ZNF560: variants seen among roughly 807,000 people sequenced by gnomAD.
The protein encoded by ZNF560 is zinc finger protein 560.
A neutral mutation model predicts 81.8 loss-of-function variants in ZNF560; 54 were observed. The ratio of observed to expected loss-of-function variants is 0.66; its 90% CI spans 0.53 to 0.83. ZNF560 has a LOEUF of 0.83. Among genes scored for constraint, ZNF560 ranks in the 40% least tolerant of loss-of-function variants. The pLI is 0.00. For missense variants in ZNF560, 940 were observed against 932.4 expected (o/e 1.01, Z -0.11); for synonymous variants, 321 against 317.9 (o/e 1.01, Z -0.10).
At chr19:9,458,982 T>C in the ZNF560 span, among the ~76,000 whole-genome samples, 1 of 152,262 alleles carries the variant, frequency 6.6e-6, no homozygotes, top group Non-Finnish European at 1.5e-5. Flanking sequence ...GTCTTCTGCC[T>C]GTGTTAAACA....
At chr19:9,473,314 C>T (rs1477174257) in intron 4 of ZNF560, 55 bp from the exon 5 acceptor site, 2 of 1,373,670 alleles carry the variant, frequency 1.5e-6, no homozygotes, top group Non-Finnish European at 2.0e-6. Flanking sequence ...GGCACAGTGG[C>T]TCATGCCTGT....
chr19:9,464,765 A>G (rs1399451534), downstream of ZNF560, among the ~76,000 whole-genome samples: 1 of 152,282 alleles, frequency 6.6e-6, no homozygotes, highest in Non-Finnish European at 1.5e-5. Flanking sequence ...TGGTGTTGCT[A>G]TAGGAGAAAG....
chr19:9,468,725 C>CTTTTTTTTT (rs3068756), intron 9 of ZNF560, among the ~76,000 whole-genome samples: 1 of 123,052 alleles, frequency 8.1e-6, no homozygotes, highest in African/African-American at 3.1e-5. Flanking sequence ...CTGCTGATTT[C>CTTTTTTTTT]TTTTTTTTTT....
chr19:9,469,226 A>G (rs1426463110), intron 8 of ZNF560, 39 bp from the exon 9 acceptor site: 2 of 1,430,120 alleles, frequency 1.4e-6, no homozygotes, highest in Non-Finnish European at 1.9e-6. Flanking sequence ...GAGTTTACAC[A>G]TGAAATGGTA....
At chr19:9,492,454 C>G (rs1483769548) in intron 2 of ZNF560, among the ~76,000 whole-genome samples, 1 of 152,180 alleles carries the variant, frequency 6.6e-6, no homozygotes, top group Non-Finnish European at 1.5e-5. Flanking sequence ...AGGCTTTTGC[C>G]TATACAATGC....
intron 2 of ZNF560, among the ~76,000 whole-genome samples, chr19:9,494,130 CAAAA>C (rs891546578): frequency 1.5e-5 from 1 of 67,226 alleles, no homozygotes. Context: ...GACTCCATCT[CAAAA>C]AAAAAAAAAA....
chr19:9,446,212 G>A, the ZNF560 span, among the ~76,000 whole-genome samples: 1 of 150,132 alleles, frequency 6.7e-6, no homozygotes, highest in Admixed American at 6.6e-5. Context: ...TACTTTGAAC[G>A]CTGATTTTTT....
intron 2 of ZNF560, among the ~76,000 whole-genome samples, chr19:9,476,823 A>C (rs1274041735): frequency 6.6e-6 from 1 of 152,226 alleles, no homozygotes; most frequent in Admixed American, 6.5e-5. Flanking sequence ...GTGAGAACAG[A>C]CTAATATGGT....
At chr19:9,469,746 T>A in intron 7 of ZNF560, 36 bp from the exon 8 acceptor site, 1 of 1,596,242 alleles carries the variant, frequency 6.3e-7, no homozygotes, top group South Asian at 1.1e-5. Context: ...TGGAAGAGGC[T>A]CATGCAAGAA....
chr19:9,503,200 G>A (rs538177349), upstream of ZNF560, among the ~76,000 whole-genome samples: 37 of 152,164 alleles, frequency 2.4e-4, 1 homozygote, highest in South Asian at 7.7e-3. Flanking sequence ...CAGCTTGGGG[G>A]ACCAGAGCCA....
At chr19:9,502,488 G>T (rs12462421), upstream of ZNF560, among the ~76,000 whole-genome samples, 15,614 of 152,214 alleles carry the variant, frequency 0.1, 940 homozygotes, top group South Asian at 0.2. Context: ...GGGATTACAG[G>T]CATGAGCCAC....
chr19:9,492,407 T>A (rs1243130459), intron 2 of ZNF560, among the ~76,000 whole-genome samples: 1 of 152,218 alleles, frequency 6.6e-6, no homozygotes, highest in Non-Finnish European at 1.5e-5. Flanking sequence ...AGGATTTGTA[T>A]AGAGGCAGAT....
chr19:9,465,663 G>C (rs1400061431), downstream of ZNF560, among the ~76,000 whole-genome samples: 1 of 152,174 alleles, frequency 6.6e-6, no homozygotes. Context: ...TAAGGCATAT[G>C]GACTTCCAAA....
intron 2 of ZNF560, among the ~76,000 whole-genome samples, chr19:9,477,316 C>T (rs1050646433): frequency 1.3e-5 from 2 of 152,064 alleles, no homozygotes; most frequent in South Asian, 2.1e-4. Flanking sequence ...ATATCATCTA[C>T]TTAGGAAGCG....
intron 2 of ZNF560, among the ~76,000 whole-genome samples, chr19:9,495,993 G>T (rs1479201722): frequency 6.6e-6 from 1 of 152,114 alleles, no homozygotes; most frequent in Non-Finnish European, 1.5e-5. Context: ...AATGGTACAA[G>T]ACCTATGGAT....
chr19:9,496,025 A>C (rs936062760), intron 2 of ZNF560, among the ~76,000 whole-genome samples: 1 of 152,254 alleles, frequency 6.6e-6, no homozygotes, highest in African/African-American at 2.4e-5. Flanking sequence ...ATATCCAGCA[A>C]AATTAAATGT....
intron 9 of ZNF560, 108 bp from the exon 10 acceptor site, chr19:9,468,442 T>A (rs2073069205): frequency 6.3e-6 from 5 of 789,136 alleles, no homozygotes; most frequent in Non-Finnish European, 9.6e-6. Flanking sequence ...TTTTATAACA[T>A]GCATATAGTT....
At chr19:9,496,220 C>T (rs1599685471) in intron 2 of ZNF560, among the ~76,000 whole-genome samples, 1 of 152,028 alleles carries the variant, frequency 6.6e-6, no homozygotes, top group Admixed American at 6.6e-5. Context: ...GTGGCTCATG[C>T]TTGTAATCCC....
At chr19:9,447,699 A>G in the ZNF560 span, among the ~76,000 whole-genome samples, 1 of 152,180 alleles carries the variant, frequency 6.6e-6, no homozygotes, top group African/African-American at 2.4e-5. Context: ...AAAGTCCCCA[A>G]GAAATATGGG....
Sources: gnomAD v4.1 joint callset for allele counts (sites outside exome capture counted in the v4.1 genomes callset) on GRCh38, gnomAD v4.1.1 for gene constraint, MANE v1.5 for transcripts, NCBI Gene and HGNC (gene_info 2026-07-23, HGNC 2026-07-21) for gene names.